INPP5A: variants seen among roughly 807,000 people sequenced by gnomAD.
The protein encoded by INPP5A is inositol polyphosphate-5-phosphatase A.
INPP5A carries 14 observed loss-of-function variants against 65.2 expected under a neutral mutation model. The observed-to-expected ratio is 0.21, with a 90% CI of 0.14 to 0.34. The LOEUF (loss-of-function observed/expected upper bound fraction) is 0.34. Ranked by LOEUF, INPP5A falls within the 10% of genes least tolerant of loss-of-function variation. INPP5A has a pLI of 1.00. For missense variants in INPP5A, 431 were observed against 545.6 expected (o/e 0.79, Z 2.09); for synonymous variants, 207 against 208.3 (o/e 0.99, Z 0.05).
At chr10:132,683,934 C>T (rs1304310917) in intron 4 of INPP5A, among the ~76,000 whole-genome samples, 1 of 152,166 alleles carries the variant, frequency 6.6e-6, no homozygotes, top group Non-Finnish European at 1.5e-5. Flanking sequence ...AGGCTGGTCT[C>T]GAACTCCTGA....
chr10:132,614,099 G>A (rs753228772), intron 2 of INPP5A, among the ~76,000 whole-genome samples: 4 of 152,132 alleles, frequency 2.6e-5, no homozygotes, highest in Non-Finnish European at 4.4e-5. Flanking sequence ...TGGGACCCAC[G>A]GCTTTCGAAG....
intron 2 of INPP5A, among the ~76,000 whole-genome samples, chr10:132,633,015 G>T (rs1373464835): frequency 6.6e-6 from 1 of 152,220 alleles, no homozygotes; most frequent in Non-Finnish European, 1.5e-5. Context: ...CCACTGCCTG[G>T]GGAGTTGGGG....
chr10:132,756,938 C>T (rs1342371892), intron 11 of INPP5A, among the ~76,000 whole-genome samples: 1 of 151,902 alleles, frequency 6.6e-6, no homozygotes, highest in East Asian at 1.9e-4. Context: ...TCATTGTTAT[C>T]AAAAAATGTT....
chr10:132,699,372 CT>C (rs1845400195), intron 6 of INPP5A, among the ~76,000 whole-genome samples: 1 of 45,220 alleles, frequency 2.2e-5, no homozygotes, highest in African/African-American at 8.1e-5. Context: ...TGGGGGGGGG[CT>C]GGGCTGGGCA....
rs563423717 is a variant in INPP5A at position 132,644,048 on chromosome 10, T to G, written c.118-1820T>G. Among the ~76,000 whole-genome samples, 11 of 151,392 alleles carry G rather than the reference T, an allele frequency of 7.3e-5. No homozygotes were observed. Among genetic ancestry groups the G allele is most frequent in the Admixed American group, 3.9e-4 (6 of 15,256 alleles). Reference sequence around the variant, plus strand: ...GCTGGAACCAGACCACCGGAAACACTCAGACCACCGGCACCAAGGGTTGTC... The same window carrying G: ...GCTGGAACCAGACCACCGGAAACACGCAGACCACCGGCACCAAGGGTTGTC... On this transcript the variant is annotated intron_variant, in intron 2 of 15. Coordinates refer to ENST00000368594, the MANE Select transcript of INPP5A (RefSeq NM_005539.5). The surrounding 1 kb of genome is among the most constrained non-coding windows in gnomAD (Gnocchi z 6.5).
chr10:132,608,944 A>G (rs2071901694), intron 2 of INPP5A, among the ~76,000 whole-genome samples: 1 of 151,912 alleles, frequency 6.6e-6, no homozygotes. Context: ...GACAGCCAGG[A>G]GGGCTGGGGA....
At position 132,783,130 on chromosome 10, in the gene INPP5A, T is replaced by C. The variant is rs1847196823; in HGVS notation, c.*1101T>C. 1 of 152,438 alleles carries C rather than the reference T, an allele frequency of 6.6e-6. No homozygotes were observed. Among genetic ancestry groups the C allele is most frequent in the Admixed American group, 6.5e-5 (1 of 15,280 alleles). 9.4% of individuals were successfully genotyped at this position (152,438 alleles called of 1,614,324 possible). A position where few individuals can be genotyped will look rare whatever the true frequency, so the allele number is the denominator to read the frequency against. ...CCATGTCATAACCTTGTTGCAAATA[T>C]TTTTCTCCTATAGCAGTAAGTACAG... On this transcript the variant is annotated 3_prime_UTR_variant, in exon 16 of 16. Transcript: ENST00000368594.
In INPP5A at chr10:132,659,107, C is replaced by G. The variant is rs1304299010; in HGVS notation, c.306+8602C>G. ...CGAAGATGCCTAGGTGGGTCCCCAGCTCTGCAGGTGCCACTCCCCACGCCA... is the reference window on the plus strand; with the variant it reads ...CGAAGATGCCTAGGTGGGTCCCCAGGTCTGCAGGTGCCACTCCCCACGCCA... On this transcript the variant is annotated intron_variant, in intron 4 of 15. Transcript: ENST00000368594. This position sits in a 1 kb window ranked among gnomAD's most constrained non-coding sequence, Gnocchi z 5.5. Among the ~76,000 whole-genome samples the G allele has an allele frequency of 6.6e-6, 1 of 152,192 alleles. No individual in the cohort carries two copies. The highest frequency in any genetic ancestry group is 2.4e-5 in the African/African-American group (1 of 41,458).
chr10:132,553,058 G>GAT (rs2133256716), intron 1 of INPP5A, among the ~76,000 whole-genome samples: 1 of 138,650 alleles, frequency 7.2e-6, no homozygotes, highest in Non-Finnish European at 1.6e-5. Flanking sequence ...TCAGAGCCTT[G>GAT]GTGGAATATT....
At chr10:132,658,746 G>C (rs988107977) in intron 4 of INPP5A, among the ~76,000 whole-genome samples, 1 of 151,928 alleles carries the variant, frequency 6.6e-6, no homozygotes, top group Non-Finnish European at 1.5e-5. Flanking sequence ...AGGCTGGGTT[G>C]TATGTCTCTT....
At chr10:132,748,078 CT>C (rs1361974963) in intron 9 of INPP5A, among the ~76,000 whole-genome samples, 4 of 152,156 alleles carry the variant, frequency 2.6e-5, no homozygotes, top group African/African-American at 9.7e-5. Context: ...TAAAAACAAG[CT>C]GGATTGAGGT....
intron 2 of INPP5A, among the ~76,000 whole-genome samples, chr10:132,642,376 C>T (rs1286117528): frequency 6.6e-6 from 1 of 152,234 alleles, no homozygotes; most frequent in Non-Finnish European, 1.5e-5. Flanking sequence ...CCTCTCGCAT[C>T]AGGGCTGTGT....
In INPP5A at chr10:132,717,878, G is replaced by A. The variant is rs867286242; in HGVS notation, c.647+7422G>A. 6.9e-3 allele frequency among the ~76,000 whole-genome samples: 947 copies of A among 136,654 alleles called. 3 individuals carry two copies. The highest frequency in any genetic ancestry group is 0.029 in the African/African-American group (873 of 30,442). 89.7% of individuals were successfully genotyped at this position (136,654 alleles called of 152,430 possible). A position where few individuals can be genotyped will look rare whatever the true frequency, so the allele number is the denominator to read the frequency against. Reference sequence around the variant, plus strand: ...TGTGGTACCTGGGTTCTGTCTGGGCGCCTTAGACGGCTGTCTTCAGGGTTC... The same window carrying A: ...TGTGGTACCTGGGTTCTGTCTGGGCACCTTAGACGGCTGTCTTCAGGGTTC... On this transcript the variant is annotated intron_variant, in intron 8 of 15. Coordinates refer to ENST00000368594, the MANE Select transcript of INPP5A (RefSeq NM_005539.5).
In INPP5A at chr10:132,575,809, C is replaced by G. The variant is rs566461695; in HGVS notation, c.76-32106C>G. The stretch of plus-strand genomic sequence containing the variant: ...GCCCTGGCAGTGGGGAGTGTGTGGT[C>G]CCCTAGTGACACCGCCTGCTCTGTG... On this transcript the variant is annotated intron_variant, in intron 1 of 15. Coordinates refer to ENST00000368594, the MANE Select transcript of INPP5A (RefSeq NM_005539.5). This position sits in a 1 kb window ranked among gnomAD's most constrained non-coding sequence, Gnocchi z 5.4. Among the ~76,000 whole-genome samples the G allele has an allele frequency of 2.0e-5, 3 of 152,168 alleles. No homozygotes were observed. Among genetic ancestry groups the G allele is most frequent in the Admixed American group, 2.0e-4 (3 of 15,306 alleles).
chr10:132,638,785 C>A (rs1473154753), intron 2 of INPP5A, among the ~76,000 whole-genome samples: 1 of 152,102 alleles, frequency 6.6e-6, no homozygotes, highest in Non-Finnish European at 1.5e-5. Context: ...CCAGGCTGGT[C>A]TCGAACTTCT....
At chr10:132,740,435 G>T (rs1846253780) in intron 9 of INPP5A, among the ~76,000 whole-genome samples, 2 of 152,150 alleles carry the variant, frequency 1.3e-5, no homozygotes, top group African/African-American at 4.8e-5. Context: ...CGGCATCCGG[G>T]AGCACAGATT....
At chr10:132,664,843 C>T (rs1372823901) in intron 4 of INPP5A, among the ~76,000 whole-genome samples, 1 of 152,242 alleles carries the variant, frequency 6.6e-6, no homozygotes, top group Admixed American at 6.5e-5. Flanking sequence ...CCCATCCTGG[C>T]CACACATCCC....
intron 4 of INPP5A, among the ~76,000 whole-genome samples, chr10:132,667,072 C>A (rs963578757): frequency 2.0e-5 from 3 of 152,220 alleles, no homozygotes; most frequent in African/African-American, 7.2e-5. Flanking sequence ...CAGTGTTGAG[C>A]AAGAGGGAGG....
At position 132,678,407 on chromosome 10, in the gene INPP5A, A is replaced by G. The variant is rs891676003; in HGVS notation, c.307-11985A>G. 6.6e-6 allele frequency among the ~76,000 whole-genome samples: 1 copy of G among 152,226 alleles called. No individual in the cohort carries two copies. Among genetic ancestry groups the G allele is most frequent in the African/African-American group, 2.4e-5 (1 of 41,454 alleles). ...GCTTTGATTTATTACTCAATCTGTT[A>G]AATTGTTTCAAAACAAGGTGTCTTG... On this transcript the variant is annotated intron_variant, in intron 4 of 15. Transcript: ENST00000368594. The surrounding 1 kb of genome is among the most constrained non-coding windows in gnomAD (Gnocchi z 4.1).
Sources: gnomAD v4.1 joint callset for allele counts (sites outside exome capture counted in the v4.1 genomes callset) on GRCh38, gnomAD v4.1.1 for gene constraint, Gnocchi (gnomAD v3.1) non-coding constraint, MANE v1.5 for transcripts, NCBI Gene and HGNC (gene_info 2026-07-23, HGNC 2026-07-21) for gene names.